EMC8: variants seen among roughly 807,000 people sequenced by gnomAD.
EMC8 encodes the protein ER membrane protein complex subunit 8, also known as COX4 neighbor.
A neutral mutation model predicts 24.3 loss-of-function variants in EMC8; 11 were observed. The ratio of observed to expected loss-of-function variants is 0.45; its 90% CI spans 0.28 to 0.75. The LOEUF is 0.75. EMC8 is among the 30% of genes least tolerant of loss of function. The probability of loss-of-function intolerance (pLI) is 0.12; values close to 1 mark genes in which losing one functional copy is unlikely to be tolerated. For missense variants in EMC8, 277 were observed against 282.7 expected (o/e 0.98, Z 0.14); for synonymous variants, 145 against 117.7 (o/e 1.23, Z -1.50).
intron 1 of EMC8, chr16:85,792,344 C>T (rs1236741506): frequency 1.3e-5 from 2 of 152,096 alleles, no homozygotes; most frequent in South Asian, 2.1e-4. Flanking sequence ...GCCCTTAAAG[C>T]GAACCAGGTC....
chr16:85,799,022 G>A lies in EMC8; in HGVS notation c.231+43C>T, dbSNP rs1333759380. On this transcript the variant is annotated intron_variant, in intron 1 of 4. Transcript: ENST00000253457. The surrounding 1 kb of genome is among the most constrained non-coding windows in gnomAD (Gnocchi z 4.2). Reference sequence around the variant, plus strand: ...GCTTCCTCTCTGCTGACTGAGGGGAGGCCAGGCTGCCTGCAAGGGGAAGGG... The same window carrying A: ...GCTTCCTCTCTGCTGACTGAGGGGAAGCCAGGCTGCCTGCAAGGGGAAGGG... 2 of 1,359,684 alleles carry A rather than the reference G, an allele frequency of 1.5e-6. No individual in the cohort carries two copies. The highest frequency in any genetic ancestry group is 2.0e-6 in the Non-Finnish European group (2 of 988,134). 84.2% of individuals were successfully genotyped at this position (1,359,684 alleles called of 1,614,324 possible). A position where few individuals can be genotyped will look rare whatever the true frequency, so the allele number is the denominator to read the frequency against.
intron 1 of EMC8, chr16:85,792,784 C>A (rs989926695): frequency 1.3e-5 from 2 of 152,132 alleles, no homozygotes; most frequent in South Asian, 2.1e-4. Flanking sequence ...TCCTCCGAAG[C>A]GAGGCAAGAC....
intron 1 of EMC8, among the ~76,000 whole-genome samples, chr16:85,791,123 CA>C (rs1904990657): frequency 1.2e-5 from 1 of 86,600 alleles, no homozygotes; most frequent in Non-Finnish European, 3.3e-5. Flanking sequence ...CCACCATGCC[CA>C]ATTTTTTTTT....
intron 2 of EMC8, among the ~76,000 whole-genome samples, chr16:85,782,882 C>G (rs950757914): frequency 6.6e-6 from 1 of 152,228 alleles, no homozygotes; most frequent in African/African-American, 2.4e-5. Flanking sequence ...TTTCTCTGCC[C>G]TCCTTTCCTG....
At chr16:85,797,322 C>A (rs769081928) in intron 1 of EMC8, among the ~76,000 whole-genome samples, 2 of 152,170 alleles carry the variant, frequency 1.3e-5, no homozygotes, top group African/African-American at 2.4e-5. Flanking sequence ...GCAGAAGAAT[C>A]ACCTGAATCT....
At chr16:85,780,934 T>C (rs1904463329) in intron 3 of EMC8, 2 of 517,744 alleles carry the variant, frequency 3.9e-6, no homozygotes, top group Admixed American at 6.6e-5. Flanking sequence ...CAGTGGGGTC[T>C]GGGGTGGGTG....
rs761050823 is a variant in EMC8 at position 85,781,223 on chromosome 16, A to G, written c.366T>C (p.Thr122=). 1.9e-6 allele frequency: 3 copies of G among 1,613,446 alleles called. No individual in the cohort carries two copies. The highest frequency in any genetic ancestry group is 2.5e-6 in the Non-Finnish European group (3 of 1,179,374). ...AGAAGCGACTTACCATGATGAGCGC[A>G]GTGTCGCTGAAGCCCTCGGCGATTC... is the stretch of plus-strand genomic sequence containing the variant. ...ASRIAEGFSD[T]ALIMVDNTKF... is the part of the protein sequence containing the mutation. The change falls in exon 3 of 5, where the codon ACT becomes ACC. Residue 122 remains threonine, a synonymous_variant. Coordinates refer to ENST00000253457, the MANE Select transcript of EMC8 (RefSeq NM_006067.5).
At chr16:85,794,184 T>C in intron 1 of EMC8, among the ~76,000 whole-genome samples, 1 of 152,188 alleles carries the variant, frequency 6.6e-6, no homozygotes, top group Non-Finnish European at 1.5e-5. Context: ...CTCTAAACAC[T>C]GAGAGTTTTC....
In EMC8 at chr16:85,799,197, C is replaced by G; in HGVS notation, c.99G>C (p.Glu33Asp). 1 of 1,613,370 alleles carries G rather than the reference C, an allele frequency of 6.2e-7. No homozygotes were observed. Among genetic ancestry groups the G allele is most frequent in the Non-Finnish European group, 8.5e-7 (1 of 1,179,834 alleles). ...GGTGCTCCTTACGCGGCTTCTGCTT[C>G]TCGGCCACCAGGAGCCCGTTGACGG... ...HCAVNGLLVA[E>D]KQKPRKEHLP... is the part of the protein sequence containing the mutation. Residue 33 changes from glutamate to aspartate, a missense_variant, in exon 1 of 5, where the codon GAG becomes GAC. Transcript: ENST00000253457. The surrounding 1 kb of genome is among the most constrained non-coding windows in gnomAD (Gnocchi z 4.2).
rs1308684436 is a variant in EMC8 at position 85,779,862 on chromosome 16, T to C, written c.479A>G (p.Tyr160Cys). The C allele has an allele frequency of 3.1e-6, 5 of 1,613,866 alleles. No individual in the cohort carries two copies. The African/African-American group carries it at 4.0e-5, about 13-fold the overall frequency. ...CTGTGCCTCTGGCCAGTCTTCACAG[T>C]AGTCACTACGGGTCAAACATGAAGA... is the stretch of plus-strand genomic sequence containing the variant. ...RWRCRDPHHD[Y>C]CEDWPEAQRI... Residue 160 changes from tyrosine to cysteine, a missense_variant, in exon 5 of 5, where the codon TAC becomes TGC. Transcript: ENST00000253457.
At chr16:85,784,514 G>A (rs1465215056) in intron 2 of EMC8, 2 of 152,196 alleles carry the variant, frequency 1.3e-5, no homozygotes, top group African/African-American at 4.8e-5. Flanking sequence ...AGAAAAATAT[G>A]ACTTAAAAAT....
intron 1 of EMC8, among the ~76,000 whole-genome samples, chr16:85,798,114 G>GTTTTTT (rs1163747067): frequency 3.0e-4 from 22 of 72,176 alleles, no homozygotes; most frequent in East Asian, 1.3e-3. Flanking sequence ...ACAGAAATTC[G>GTTTTTT]TTTTTTTTTT....
intron 4 of EMC8, 40 bp downstream of exon 4, chr16:85,780,339 G>A (rs1238012696): frequency 6.6e-7 from 1 of 1,516,798 alleles, no homozygotes; most frequent in Non-Finnish European, 9.1e-7. Context: ...GCCGGGCGCT[G>A]AAGGAGCCCA....
chr16:85,789,965 A>C (rs1195880909), intron 1 of EMC8, among the ~76,000 whole-genome samples: 2 of 152,174 alleles, frequency 1.3e-5, no homozygotes, highest in Non-Finnish European at 2.9e-5. Context: ...GCAAGGTGGC[A>C]GACCTTTGAA....
intron 4 of EMC8, 66 bp from the exon 5 acceptor site, chr16:85,779,933 G>C: frequency 2.1e-6 from 3 of 1,395,882 alleles, no homozygotes; most frequent in Non-Finnish European, 2.0e-6. Context: ...ACAGCATCAA[G>C]AGAGAAGGCC....
intron 1 of EMC8, among the ~76,000 whole-genome samples, chr16:85,790,017 G>A (rs751356357): frequency 1.2e-4 from 19 of 152,258 alleles, no homozygotes; most frequent in Non-Finnish European, 1.5e-4. Flanking sequence ...CTCACCAGAT[G>A]CAGCTTCCTG....
Position 85,780,407 on chromosome 16 carries a change from T to A in EMC8, c.445A>T (p.Asn149Tyr), listed in dbSNP as rs1481612932. ...PTIHVYEHHE[N>Y]RWRCRDPHHD... ...TGTGGGTCTCTGCACCGCCATCTGT[T>A]CTCATGGTGCTCGTACACGTGGATC... The change falls in exon 4 of 5, where the codon AAC becomes TAC. Residue 149 changes from asparagine (N) to tyrosine (Y), a missense_variant. Asn to Tyr is a moderately radical substitution (Grantham distance 143). Transcript: ENST00000253457. 21 of 1,614,178 alleles carry A rather than the reference T, an allele frequency of 1.3e-5. No individual in the cohort carries two copies. Among genetic ancestry groups the A allele is most frequent in the Non-Finnish European group, 1.8e-5 (21 of 1,180,012 alleles).
At position 85,780,040 on chromosome 16, in the gene EMC8, T is replaced by A. The variant is rs183489180; in HGVS notation, c.474-173A>T. On this transcript the variant is annotated intron_variant, in intron 4 of 4. Coordinates refer to ENST00000253457, the MANE Select transcript of EMC8 (RefSeq NM_006067.5). ...AGAGGTATACAGAGCATAGAAGACATGGTTAATACATGGAAGGGACGCCTT... is the reference window on the plus strand; with the variant it reads ...AGAGGTATACAGAGCATAGAAGACAAGGTTAATACATGGAAGGGACGCCTT... 9.8e-5 allele frequency: 61 copies of A among 619,302 alleles called. No individual in the cohort carries two copies. The Middle Eastern group carries it at 1.3e-3, about 13-fold the overall frequency. 38.4% of individuals were successfully genotyped at this position (619,302 alleles called of 1,614,324 possible). A position where few individuals can be genotyped will look rare whatever the true frequency, so the allele number is the denominator to read the frequency against.
chr16:85,791,050 A>G (rs1344435964), intron 1 of EMC8, among the ~76,000 whole-genome samples: 1 of 150,926 alleles, frequency 6.6e-6, no homozygotes, highest in East Asian at 1.9e-4. Flanking sequence ...CTGATCTTGG[A>G]CTCCTGGGTT....
Sources: gnomAD v4.1 joint callset for allele counts (sites outside exome capture counted in the v4.1 genomes callset) on GRCh38, gnomAD v4.1.1 for gene constraint, Gnocchi (gnomAD v3.1) non-coding constraint, MANE v1.5 for transcripts, NCBI Gene and HGNC (gene_info 2026-07-23, HGNC 2026-07-21) for gene names.